Variants in EEFSEC observed in about 807,000 individuals in gnomAD.
The protein encoded by EEFSEC is selenocysteine-specific elongation factor.
Under a neutral mutation model 42.1 loss-of-function variants are expected in EEFSEC, and 43 were observed. The ratio of observed to expected loss-of-function variants is 1.02; its 90% CI spans 0.80 to 1.32. EEFSEC has a LOEUF of 1.32. EEFSEC is among the 40% of genes most tolerant of loss of function. The pLI, the probability that EEFSEC is intolerant of heterozygous loss-of-function variation, is 0.00. For missense variants in EEFSEC, 745 were observed against 803.6 expected (o/e 0.93, Z 0.88); for synonymous variants, 354 against 339.1 (o/e 1.04, Z -0.48).
chr3:128,240,796 C>G (rs1357692860), intron 1 of EEFSEC, among the ~76,000 whole-genome samples: 5 of 152,236 alleles, frequency 3.3e-5, no homozygotes, highest in African/African-American at 7.2e-5. Flanking sequence ...TTGGATGGAG[C>G]CTGATCAGTC....
intron 1 of EEFSEC, among the ~76,000 whole-genome samples, chr3:128,189,511 A>C (rs995510253): frequency 6.6e-6 from 1 of 151,356 alleles, no homozygotes; most frequent in Non-Finnish European, 1.5e-5. Context: ...TGTCTTTACT[A>C]TACTAGACTT....
chr3:128,191,982 A>G (rs1395219966), intron 1 of EEFSEC, among the ~76,000 whole-genome samples: 1 of 152,116 alleles, frequency 6.6e-6, no homozygotes, highest in East Asian at 1.9e-4. Context: ...TACCTAGGAG[A>G]GGAATTACTG....
chr3:128,332,610 C>T (rs1432143402), intron 4 of EEFSEC, among the ~76,000 whole-genome samples: 1 of 152,210 alleles, frequency 6.6e-6, no homozygotes, highest in Non-Finnish European at 1.5e-5. Context: ...CGCCATAATG[C>T]CCGGCTAATT....
intron 4 of EEFSEC, among the ~76,000 whole-genome samples, chr3:128,313,209 T>A (rs112053383): frequency 2.0e-4 from 31 of 152,290 alleles, no homozygotes; most frequent in African/African-American, 6.5e-4. Flanking sequence ...TGCCTCTCCC[T>A]GAAAGAGAAA....
intron 4 of EEFSEC, among the ~76,000 whole-genome samples, chr3:128,307,779 G>A (rs922075700): frequency 6.6e-6 from 1 of 152,226 alleles, no homozygotes; most frequent in Non-Finnish European, 1.5e-5. Context: ...CTGTGTGAGT[G>A]GGGCCATCAC....
At chr3:128,257,261 A>G (rs1005700583) in intron 2 of EEFSEC, among the ~76,000 whole-genome samples, 1 of 152,152 alleles carries the variant, frequency 6.6e-6, no homozygotes, top group African/African-American at 2.4e-5. Flanking sequence ...GGTGCTCTCT[A>G]GTAAGATTTC....
chr3:128,403,079 G>A (rs1237854207), intron 6 of EEFSEC, among the ~76,000 whole-genome samples: 1 of 152,170 alleles, frequency 6.6e-6, no homozygotes, highest in African/African-American at 2.4e-5. Context: ...TTCTAAACAA[G>A]GGGGTCACAA....
intron 4 of EEFSEC, among the ~76,000 whole-genome samples, chr3:128,307,470 G>A (rs1463072730): frequency 6.6e-6 from 1 of 152,144 alleles, no homozygotes; most frequent in African/African-American, 2.4e-5. Context: ...AAAACTTCCT[G>A]GAAGTTAAGG....
chr3:128,174,004 TG>T (rs2065324257), intron 1 of EEFSEC, among the ~76,000 whole-genome samples: 1 of 152,142 alleles, frequency 6.6e-6, no homozygotes, highest in South Asian at 2.1e-4. Flanking sequence ...AGAGGAATGG[TG>T]GGGACCCAAC....
downstream of EEFSEC, among the ~76,000 whole-genome samples, chr3:128,408,815 C>T (rs1360497725): frequency 6.6e-6 from 1 of 152,202 alleles, no homozygotes; most frequent in African/African-American, 2.4e-5. Context: ...CGCTTCTCAA[C>T]CCCACTAGGT....
intron 4 of EEFSEC, among the ~76,000 whole-genome samples, chr3:128,271,654 C>A (rs80239419): frequency 2.6e-5 from 4 of 152,136 alleles, no homozygotes; most frequent in Non-Finnish European, 2.9e-5. Flanking sequence ...CCTTGGTTGT[C>A]GCCCTCAGGA....
chr3:128,244,947 G>A lies in EEFSEC; in HGVS notation c.317-1889G>A, dbSNP rs1161168849. ...TATAGTATTCTGTCATGGCATTATAGCATTATATTCTTATTTTCAACCTGT... is the reference window on the plus strand; with the variant it reads ...TATAGTATTCTGTCATGGCATTATAACATTATATTCTTATTTTCAACCTGT... On this transcript the variant is annotated intron_variant, in intron 1 of 6. Transcript: ENST00000254730. Among the ~76,000 whole-genome samples, 2 of 152,120 alleles carry A rather than the reference G, an allele frequency of 1.3e-5. 1 individual carries two copies. Among genetic ancestry groups the A allele is most frequent in the Non-Finnish European group, 2.9e-5 (2 of 68,030 alleles).
rs147340766 is a variant in EEFSEC at position 128,303,218 on chromosome 3, G to A, written c.787-38015G>A. ...CCTGGACAACAGGAGCAATCCTCCC[G>A]TCTACCAAAGTGTTGGGATTATAGG... On this transcript the variant is annotated intron_variant, in intron 4 of 6. Coordinates refer to ENST00000254730, the MANE Select transcript of EEFSEC (RefSeq NM_021937.5). 8.0e-4 allele frequency among the ~76,000 whole-genome samples: 122 copies of A among 152,180 alleles called. No homozygotes were observed. In the East Asian group the frequency reaches 9.3e-3, roughly 12 times the overall value.
At chr3:128,256,680 C>T (rs2066245196) in intron 2 of EEFSEC, among the ~76,000 whole-genome samples, 1 of 152,204 alleles carries the variant, frequency 6.6e-6, no homozygotes, top group Non-Finnish European at 1.5e-5. Flanking sequence ...TGCATGATCA[C>T]TTATAATCTA....
At chr3:128,226,584 G>A (rs911394327) in intron 1 of EEFSEC, among the ~76,000 whole-genome samples, 14 of 152,076 alleles carry the variant, frequency 9.2e-5, no homozygotes, top group South Asian at 4.2e-4. Context: ...TTAGCTTTCC[G>A]GCCTGCTCCC....
chr3:128,370,069 G>A (rs910228543), intron 6 of EEFSEC, among the ~76,000 whole-genome samples: 1 of 152,186 alleles, frequency 6.6e-6, no homozygotes, highest in Admixed American at 6.5e-5. Flanking sequence ...TGGCACCTGC[G>A]CTCAGTGCTG....
Position 128,386,779 on chromosome 3 carries a change from C to G in EEFSEC, c.1601-21290C>G, listed in dbSNP as rs545887550. On this transcript the variant is annotated intron_variant, in intron 6 of 6. Coordinates refer to ENST00000254730, the MANE Select transcript of EEFSEC (RefSeq NM_021937.5). ...AGAGTGAGGAGGAGGTGCCAGGCTC[C>G]TTTAAACAACCGGCTCTCACATGGA... Among the ~76,000 whole-genome samples, 143 of 152,248 alleles carry G rather than the reference C, an allele frequency of 9.4e-4. 1 individual carries two copies. Among genetic ancestry groups the G allele is most frequent in the Non-Finnish European group, 1.8e-3 (122 of 68,018 alleles).
intron 1 of EEFSEC, among the ~76,000 whole-genome samples, chr3:128,193,397 C>T (rs1288539054): frequency 6.6e-6 from 1 of 152,218 alleles, no homozygotes; most frequent in Non-Finnish European, 1.5e-5. Context: ...GCTCCTGTGG[C>T]TGTGACAGAG....
chr3:128,189,912 G>T (rs1392243968), intron 1 of EEFSEC, among the ~76,000 whole-genome samples: 1 of 148,222 alleles, frequency 6.7e-6, no homozygotes, highest in Non-Finnish European at 1.5e-5. Flanking sequence ...GCCCAGGCTG[G>T]AGTGCAGTGG....
Sources: gnomAD v4.1 joint callset for allele counts (sites outside exome capture counted in the v4.1 genomes callset) on GRCh38, gnomAD v4.1.1 for gene constraint, MANE v1.5 for transcripts, NCBI Gene and HGNC (gene_info 2026-07-23, HGNC 2026-07-21) for gene names.